AMZ1: variants seen among roughly 807,000 people sequenced by gnomAD.
AMZ1 encodes the protein archaelysin family metallopeptidase 1, also known as archaemetzincin-1.
Under a neutral mutation model 29.9 loss-of-function variants are expected in AMZ1, and 39 were observed. That is an observed-to-expected ratio of 1.30 (90% CI 1.01 to 1.70). The LOEUF (loss-of-function observed/expected upper bound fraction) is 1.70. AMZ1 is among the 40% of genes most tolerant of loss of function. The pLI is 0.00. For missense variants in AMZ1, 1,041 were observed against 680.6 expected, an observed-to-expected ratio of 1.53 and a Z score of -5.89; for synonymous variants, 458 against 304.0, an observed-to-expected ratio of 1.51 and a Z score of -5.27.
At chr7:2,710,761 C>T (rs1788721429) in intron 6 of AMZ1, among the ~76,000 whole-genome samples, 1 of 152,228 alleles carries the variant, frequency 6.6e-6, no homozygotes, top group Non-Finnish European at 1.5e-5. Flanking sequence ...GGAGAAGAGC[C>T]TGTGACTTGG....
downstream of AMZ1, among the ~76,000 whole-genome samples, chr7:2,723,883 C>T (rs551077076): frequency 1.1e-4 from 17 of 152,270 alleles, no homozygotes; most frequent in Admixed American, 2.6e-4. Flanking sequence ...GTCTCTGCGG[C>T]GATAAACTTT....
chr7:2,691,526 A>G (rs1787385547), intron 1 of AMZ1, among the ~76,000 whole-genome samples: 1 of 148,494 alleles, frequency 6.7e-6, no homozygotes, highest in South Asian at 2.1e-4. Context: ...GTGGATCACA[A>G]GGTCAGGAGT....
intron 1 of AMZ1, among the ~76,000 whole-genome samples, chr7:2,693,149 C>T (rs139604283): frequency 1.3e-5 from 2 of 152,048 alleles, no homozygotes; most frequent in African/African-American, 2.4e-5. Context: ...TTGCCCAGGC[C>T]GGAGTGCAGT....
chr7:2,733,464 C>A, intron 4 of AMZ1: 1 of 1,613,820 alleles, frequency 6.2e-7, no homozygotes, highest in Non-Finnish European at 8.5e-7. Context: ...CTGGCCGATC[C>A]GGTCCAAGTT....
At position 2,700,386 on chromosome 7, in the gene AMZ1, G is replaced by GT; in HGVS notation, c.-65dup. Reference sequence around the variant, plus strand: ...GAAGATTCTGGACGAGACCGTGGCCGTCCCCCGGGTGGCCCATGGACAGCA... The same window carrying GT: ...GAAGATTCTGGACGAGACCGTGGCCGTTCCCCCGGGTGGCCCATGGACAGCA... On this transcript the variant is annotated 5_prime_UTR_variant, in exon 2 of 7. Coordinates refer to ENST00000683327, the MANE Select transcript of AMZ1 (RefSeq NM_001384743.1). The GT allele has an allele frequency of 6.5e-7, 1 of 1,534,538 alleles. No homozygotes were observed.
At chr7:2,703,029 A>G in intron 3 of AMZ1, 140 bp downstream of exon 3, 1 of 1,221,234 alleles carries the variant, frequency 8.2e-7, no homozygotes, top group Non-Finnish European at 1.1e-6. Flanking sequence ...GTGTTTGGGA[A>G]GCAGGACCAA....
chr7:2,698,555 T>C (rs2115091630), intron 1 of AMZ1, among the ~76,000 whole-genome samples: 1 of 150,004 alleles, frequency 6.7e-6, no homozygotes, highest in Non-Finnish European at 1.5e-5. Context: ...AAAAAGAAGT[T>C]GGGGCTCGGG....
At chr7:2,751,508 G>A (rs1336418325) in intron 4 of AMZ1, among the ~76,000 whole-genome samples, 1 of 151,740 alleles carries the variant, frequency 6.6e-6, no homozygotes, top group Non-Finnish European at 1.5e-5. Flanking sequence ...AAGGTAAGCA[G>A]GAGAAAGAAA....
chr7:2,715,227 T>G lies in AMZ1; in HGVS notation c.*2349T>G, dbSNP rs536899278. ...GCAGTGACAAGGACCCCACCCCAGG[T>G]TCACGGGGAGGGGACGTGGCAGGGA... On this transcript the variant is annotated 3_prime_UTR_variant, in exon 7 of 7. Coordinates refer to ENST00000683327, the MANE Select transcript of AMZ1 (RefSeq NM_001384743.1). 2 of 152,418 alleles carry G rather than the reference T, an allele frequency of 1.3e-5. No homozygotes were observed. The highest frequency in any genetic ancestry group is 2.1e-4 in the South Asian group (1 of 4,818). 9.4% of individuals were successfully genotyped at this position (152,418 alleles called of 1,614,324 possible). A position where few individuals can be genotyped will look rare whatever the true frequency, so the allele number is the denominator to read the frequency against.
chr7:2,699,489 T>C (rs1409323426), intron 1 of AMZ1, among the ~76,000 whole-genome samples: 1 of 152,172 alleles, frequency 6.6e-6, no homozygotes, highest in East Asian at 1.9e-4. Context: ...CCCTCACGTG[T>C]GTCCTGGGGA....
intron 3 of AMZ1, among the ~76,000 whole-genome samples, chr7:2,704,841 C>T (rs1431161995): frequency 6.6e-6 from 1 of 152,022 alleles, no homozygotes; most frequent in Admixed American, 6.5e-5. Flanking sequence ...GGTGATCTGC[C>T]TGCCTCGGTC....
Position 2,757,283 on chromosome 7 carries a change from C to T in AMZ1, n.551-7429C>T, listed in dbSNP as rs531475645. ...CCCAAGTAGCTGGGACCGCAGCGCCCGCCACCATGCCCGGCTAATTTTTTG... is the reference window on the plus strand; with the variant it reads ...CCCAAGTAGCTGGGACCGCAGCGCCTGCCACCATGCCCGGCTAATTTTTTG... On this transcript the variant is annotated intron_variant and non_coding_transcript_variant, in intron 4 of 4. Coordinates refer to the AMZ1 transcript ENST00000489665. Among the ~76,000 whole-genome samples the T allele has an allele frequency of 4.0e-5, 6 of 151,898 alleles. No individual in the cohort carries two copies. In the East Asian group the frequency reaches 9.7e-4, roughly 24 times the overall value.
intron 4 of AMZ1, among the ~76,000 whole-genome samples, chr7:2,734,359 G>C (rs1771561828): frequency 6.6e-6 from 1 of 152,194 alleles, no homozygotes; most frequent in South Asian, 2.1e-4. Context: ...TTTGAACCCT[G>C]CTCTAAAGAC....
chr7:2,738,692 G>A (rs1004969586), intron 4 of AMZ1, among the ~76,000 whole-genome samples: 1 of 151,968 alleles, frequency 6.6e-6, no homozygotes, highest in African/African-American at 2.4e-5. Context: ...TTGGAACCAT[G>A]CTAACATCTT....
At chr7:2,710,084 C>T (rs1276189527) in intron 6 of AMZ1, among the ~76,000 whole-genome samples, 2 of 152,204 alleles carry the variant, frequency 1.3e-5, no homozygotes, top group Non-Finnish European at 2.9e-5. Flanking sequence ...GCTTTTCTCC[C>T]TCTGTCAGGA....
At chr7:2,698,313 G>A (rs767257305) in intron 1 of AMZ1, among the ~76,000 whole-genome samples, 8 of 152,200 alleles carry the variant, frequency 5.3e-5, no homozygotes, top group Non-Finnish European at 1.2e-4. Context: ...AGAGGCAGTC[G>A]GATCACTTGA....
chr7:2,748,944 ATCAAAACCACAATGAGATGCCATT>A (rs1335917055), intron 4 of AMZ1, among the ~76,000 whole-genome samples: 10 of 152,260 alleles, frequency 6.6e-5, no homozygotes, highest in Non-Finnish European at 1.2e-4. Flanking sequence ...AGAAATGCAA[ATCAAAACCACAATGAGATGCCATT>A]TCACACCAGT....
chr7:2,744,692 A>G (rs912642789), intron 4 of AMZ1, among the ~76,000 whole-genome samples: 1 of 152,218 alleles, frequency 6.6e-6, no homozygotes, highest in Non-Finnish European at 1.5e-5. Context: ...GAGTTGAGAA[A>G]AGAAGGCTTC....
rs1448423691 is a variant in AMZ1 at position 2,712,415 on chromosome 7, C to G, written c.1034C>G (p.Pro345Arg). 2 of 1,611,694 alleles carry G rather than the reference C, an allele frequency of 1.2e-6. No individual in the cohort carries two copies. Among genetic ancestry groups the G allele is most frequent in the Non-Finnish European group, 1.7e-6 (2 of 1,179,618 alleles). ...CCGTCAGTGTGGGAGGACACCCCGCCTGCCAGCGCCGACTCGGGCATGTGC... is the reference window on the plus strand; with the variant it reads ...CCGTCAGTGTGGGAGGACACCCCGCGTGCCAGCGCCGACTCGGGCATGTGC... ...GEPSVWEDTP[P>R]ASADSGMCCE... The change falls in exon 7 of 7, where the codon CCT (proline) becomes CGT (arginine). Residue 345 changes from proline (P) to arginine (R), a missense_variant. Physicochemically the swap from Pro to Arg is moderately radical, Grantham distance 103. Coordinates refer to ENST00000683327, the MANE Select transcript of AMZ1 (RefSeq NM_001384743.1).
Sources: allele counts gnomAD v4.1 joint callset (sites outside exome capture counted in the v4.1 genomes callset), GRCh38; gene constraint gnomAD v4.1.1; transcripts MANE v1.5; gene names NCBI Gene and HGNC (gene_info 2026-07-23, HGNC 2026-07-21).